The following SMAP1 variants were observed in gnomAD, a reference collection of about 807,000 sequenced individuals.
SMAP1 encodes stromal membrane-associated protein 1.
A neutral mutation model predicts 58.5 loss-of-function variants in SMAP1; 24 were observed. The observed-to-expected ratio is 0.41, with a 90% CI of 0.30 to 0.58. The LOEUF (loss-of-function observed/expected upper bound fraction) is 0.58. Among genes scored for constraint, SMAP1 ranks in the 20% least tolerant of loss-of-function variants. The pLI, the probability that SMAP1 is intolerant of heterozygous loss-of-function variation, is 0.29. For missense variants in SMAP1, 563 were observed against 566.3 expected, an observed-to-expected ratio of 0.99 and a Z score of 0.06; for synonymous variants, 216 against 196.6, an observed-to-expected ratio of 1.10 and a Z score of -0.82.
At chr6:70,709,347 TTTTTC>T (rs1478301148) in intron 1 of SMAP1, among the ~76,000 whole-genome samples, 1 of 152,206 alleles carries the variant, frequency 6.6e-6, no homozygotes, top group Non-Finnish European at 1.5e-5. Flanking sequence ...TAATACTTTT[TTTTTC>T]TTTTGAGACA....
At chr6:70,761,002 A>G (rs1766724846) in intron 3 of SMAP1, among the ~76,000 whole-genome samples, 1 of 152,100 alleles carries the variant, frequency 6.6e-6, no homozygotes. Context: ...TCTATTGTGT[A>G]CCAAAGCTAA....
chr6:70,789,337 A>T (rs1768234874), intron 4 of SMAP1, among the ~76,000 whole-genome samples: 2 of 152,082 alleles, frequency 1.3e-5, no homozygotes, highest in Non-Finnish European at 2.9e-5. Flanking sequence ...GCCCCTCGCT[A>T]GTCAGCCCCC....
chr6:70,690,337 G>A (rs542737538), intron 1 of SMAP1, among the ~76,000 whole-genome samples: 3 of 151,448 alleles, frequency 2.0e-5, no homozygotes, highest in South Asian at 2.1e-4. Context: ...ACGGACTTTC[G>A]CTCTTGTTGC....
At chr6:70,845,854 A>G (rs1033836370) in intron 7 of SMAP1, among the ~76,000 whole-genome samples, 5 of 152,186 alleles carry the variant, frequency 3.3e-5, no homozygotes, top group Non-Finnish European at 1.5e-5. Flanking sequence ...CTGGAGACAC[A>G]TTTATGATTG....
At position 70,847,338 on chromosome 6, in the gene SMAP1, G is replaced by A. The variant is rs577732660; in HGVS notation, c.665-5202G>A. Among the ~76,000 whole-genome samples, 240 of 152,290 alleles carry A rather than the reference G, an allele frequency of 1.6e-3. 1 individual carries two copies. Among genetic ancestry groups the A allele is most frequent in the African/African-American group, 5.7e-3 (236 of 41,532 alleles). On this transcript the variant is annotated intron_variant, in intron 7 of 10. Coordinates refer to ENST00000370455, the MANE Select transcript of SMAP1 (RefSeq NM_001044305.3). ...GGAATGCCTTCTGTTCTTGGAAGTT[G>A]TAGCACTGATTTTAACAATTTTTTT...
Position 70,861,003 on chromosome 6 carries a change from T to C in SMAP1, c.*669T>C. 1 of 288,154 alleles carries C rather than the reference T, an allele frequency of 3.5e-6. No homozygotes were observed. The highest frequency in any genetic ancestry group is 6.4e-6 in the Non-Finnish European group (1 of 155,648). 17.8% of individuals were successfully genotyped at this position (288,154 alleles called of 1,614,324 possible). ...TGTACATAGTGCTAACATGAAGACCTTTTTCTGCACTATATGCAAACAGGG... is the reference window on the plus strand; with the variant it reads ...TGTACATAGTGCTAACATGAAGACCCTTTTCTGCACTATATGCAAACAGGG... On this transcript the variant is annotated 3_prime_UTR_variant, in exon 11 of 11. Coordinates refer to ENST00000370455, the MANE Select transcript of SMAP1 (RefSeq NM_001044305.3).
chr6:70,853,796 C>T (rs1320974474), intron 8 of SMAP1, among the ~76,000 whole-genome samples: 1 of 152,150 alleles, frequency 6.6e-6, no homozygotes, highest in Non-Finnish European at 1.5e-5. Flanking sequence ...TTGGTACAGG[C>T]ATAGGTGTAC....
At chr6:70,786,112 G>A (rs1275296465) in intron 4 of SMAP1, among the ~76,000 whole-genome samples, 1 of 152,138 alleles carries the variant, frequency 6.6e-6, no homozygotes, top group Non-Finnish European at 1.5e-5. Flanking sequence ...CCATGATCAA[G>A]TGGGCTTCAT....
intron 1 of SMAP1, among the ~76,000 whole-genome samples, chr6:70,719,674 G>A (rs1219894435): frequency 2.0e-5 from 3 of 152,136 alleles, no homozygotes; most frequent in Admixed American, 6.5e-5. Context: ...TGGTCGGGGA[G>A]GCCTTAGAAT....
chr6:70,793,120 C>T (rs963418625), intron 5 of SMAP1, among the ~76,000 whole-genome samples: 2 of 152,122 alleles, frequency 1.3e-5, no homozygotes, highest in Non-Finnish European at 2.9e-5. Context: ...CTGCAGCCTC[C>T]ATCACCTGGG....
intron 1 of SMAP1, among the ~76,000 whole-genome samples, chr6:70,730,436 C>T (rs149119421): frequency 5.1e-4 from 77 of 152,340 alleles, no homozygotes; most frequent in African/African-American, 1.6e-3. Flanking sequence ...TGCTCTGTAA[C>T]TATTTACCTT....
chr6:70,793,731 ATTTT>A (rs1216816903), intron 5 of SMAP1, among the ~76,000 whole-genome samples: 6 of 150,922 alleles, frequency 4.0e-5, no homozygotes, highest in African/African-American at 1.5e-4. Flanking sequence ...TTATTTATTT[ATTTT>A]TTTGAGACAG....
chr6:70,671,330 T>C (rs896576558), intron 1 of SMAP1, among the ~76,000 whole-genome samples: 1 of 152,160 alleles, frequency 6.6e-6, no homozygotes, highest in Non-Finnish European at 1.5e-5. Context: ...TGTCCCATGC[T>C]TGTTAATGTA....
intron 1 of SMAP1, among the ~76,000 whole-genome samples, chr6:70,723,154 G>T (rs1334327535): frequency 2.0e-5 from 3 of 152,088 alleles, no homozygotes; most frequent in Admixed American, 2.0e-4. Context: ...ATTTTTTAGA[G>T]ATTGGGTCTT....
chr6:70,856,845 G>A lies in SMAP1; in HGVS notation c.790-14G>A. The A allele has an allele frequency of 6.3e-7, 1 of 1,583,862 alleles. No individual in the cohort carries two copies. The highest frequency in any genetic ancestry group is 1.2e-5 in the South Asian group (1 of 86,066). On this transcript the variant is annotated splice_polypyrimidine_tract_variant and intron_variant, in intron 8 of 10. Coordinates refer to ENST00000370455, the MANE Select transcript of SMAP1 (RefSeq NM_001044305.3). ...TATGCAGAATTTGATAGCTTATTTT[G>A]GTGTTTGTCTCAGGGGACACCCTCT...
intron 6 of SMAP1, among the ~76,000 whole-genome samples, chr6:70,815,667 G>C (rs1769589162): frequency 6.6e-6 from 1 of 152,120 alleles, no homozygotes; most frequent in Non-Finnish European, 1.5e-5. Context: ...GGATTTTAAA[G>C]ACAGGATGGT....
intron 3 of SMAP1, among the ~76,000 whole-genome samples, chr6:70,763,105 A>ATTTTT (rs1766820044): frequency 8.8e-5 from 5 of 56,534 alleles, no homozygotes; most frequent in Non-Finnish European, 1.9e-4. Flanking sequence ...TACAGATATT[A>ATTTTT]CTTTTTTTTT....
At chr6:70,745,548 C>G (rs1238728527) in intron 2 of SMAP1, among the ~76,000 whole-genome samples, 2 of 152,128 alleles carry the variant, frequency 1.3e-5, no homozygotes, top group African/African-American at 4.8e-5. Context: ...TGTTTTGGTA[C>G]CAGTACCATG....
chr6:70,693,298 CTTTTTTT>C (rs55693339), intron 1 of SMAP1, among the ~76,000 whole-genome samples: 9 of 109,622 alleles, frequency 8.2e-5, no homozygotes, highest in South Asian at 3.2e-4. Flanking sequence ...ATGTCATCTT[CTTTTTTT>C]TTTTTTTTTT....
Sources: gnomAD v4.1 joint callset for allele counts (sites outside exome capture counted in the v4.1 genomes callset) on GRCh38, gnomAD v4.1.1 for gene constraint, MANE v1.5 for transcripts, NCBI Gene and HGNC (gene_info 2026-07-23, HGNC 2026-07-21) for gene names.